AGMAT: variants seen among roughly 807,000 people sequenced by gnomAD.
The protein encoded by AGMAT is guanidino acid hydrolase, mitochondrial.
A neutral mutation model predicts 29.3 loss-of-function variants in AGMAT; 37 were observed. That is an observed-to-expected ratio of 1.26 (90% CI 0.97 to 1.66). The LOEUF (loss-of-function observed/expected upper bound fraction) is 1.66. AGMAT is among the 40% of genes most tolerant of loss of function. AGMAT has a pLI of 0.00. For missense variants in AGMAT, 498 were observed against 497.8 expected (o/e 1.00, Z 0.00); for synonymous variants, 199 against 200.8 (o/e 0.99, Z 0.08).
Position 15,577,877 on chromosome 1 carries a change from G to A in AGMAT, c.721-13C>T, listed in dbSNP as rs773649439. ...CTACCCGGAAGCCCTGCAGAGACAG[G>A]GACTGAGGTTTCTGTCTGGCAGCAT... On this transcript the variant is annotated splice_polypyrimidine_tract_variant and intron_variant, in intron 4 of 6. Transcript: ENST00000375826. 22 of 1,609,956 alleles carry A rather than the reference G, an allele frequency of 1.4e-5. No homozygotes were observed. Among genetic ancestry groups the A allele is most frequent in the African/African-American group, 4.0e-5 (3 of 74,824 alleles).
At position 15,574,790 on chromosome 1, in the gene AGMAT, G is replaced by C; in HGVS notation, c.952C>G (p.Leu318Val). Residue 318 changes from leucine to valine, a missense_variant, in exon 6 of 7, where the codon CTT (leucine) becomes GTT (valine). Leu to Val is a conservative substitution (Grantham distance 32, BLOSUM62 1). Coordinates refer to ENST00000375826, the MANE Select transcript of AGMAT (RefSeq NM_024758.5). Reference protein sequence around the residue: ...CQGLNVMGCDLVEVSPPYDLS... With the variant: ...CQGLNVMGCDVVEVSPPYDLS... ...TCATACGGTGGTGAAACTTCGACAA[G>C]ATCACAGCCCATCACGTTCAGGCCT... 6.2e-7 allele frequency: 1 copy of C among 1,613,986 alleles called. No homozygotes were observed. Among genetic ancestry groups the C allele is most frequent in the Non-Finnish European group, 8.5e-7 (1 of 1,179,922 alleles).
In AGMAT at chr1:15,573,486, TTGGG is replaced by T. The variant is rs761118302; in HGVS notation, c.*161_*164del. ...CCAAGTTCCTTAGAAATGTTGCTGTTTGGGTGAGAATTCTACTGATTATCCCGAC... is the reference window on the plus strand; with the variant it reads ...CCAAGTTCCTTAGAAATGTTGCTGTTTGAGAATTCTACTGATTATCCCGAC... On this transcript the variant is annotated 3_prime_UTR_variant, in exon 7 of 7. Transcript: ENST00000375826. 6.2e-4 allele frequency: 357 copies of T among 579,318 alleles called. No individual in the cohort carries two copies. The highest frequency in any genetic ancestry group is 9.6e-4 in the Non-Finnish European group (308 of 320,354). 35.9% of individuals were successfully genotyped at this position (579,318 alleles called of 1,614,324 possible).
rs1261759105 is a variant in AGMAT at position 15,573,553 on chromosome 1, C to T, written c.*98G>A. ...AATGACACTTTCAGCAGAAAGTTTTCTTGGCATAAACTCTTTAGTTCTCAG... is the reference window on the plus strand; with the variant it reads ...AATGACACTTTCAGCAGAAAGTTTTTTTGGCATAAACTCTTTAGTTCTCAG... On this transcript the variant is annotated 3_prime_UTR_variant, in exon 7 of 7. Transcript: ENST00000375826. 22 of 1,150,344 alleles carry T rather than the reference C, an allele frequency of 1.9e-5. No homozygotes were observed. The highest frequency in any genetic ancestry group is 2.7e-5 in the Non-Finnish European group (21 of 779,876). 71.3% of individuals were successfully genotyped at this position (1,150,344 alleles called of 1,614,324 possible).
chr1:15,573,864 C>T, intron 6 of AGMAT, 140 bp from the exon 7 acceptor site: 1 of 639,380 alleles, frequency 1.6e-6, no homozygotes, highest in East Asian at 2.8e-5. Context: ...TGCCCGCCAG[C>T]TGTGAACACG....
In AGMAT at chr1:15,573,064, GC is replaced by G. The variant is rs1344630982; in HGVS notation, c.*586del. 2 of 152,512 alleles carry G rather than the reference GC, an allele frequency of 1.3e-5. No individual in the cohort carries two copies. The highest frequency in any genetic ancestry group is 3.9e-4 in the East Asian group (2 of 5,180). The allele number at this position is 152,512 out of a possible 1,614,324, so 9.4% of individuals were successfully genotyped here. On this transcript the variant is annotated 3_prime_UTR_variant, in exon 7 of 7. Coordinates refer to ENST00000375826, the MANE Select transcript of AGMAT (RefSeq NM_024758.5). Reference sequence around the variant, plus strand: ...ACCTTAGGTCAGGAGTTCAAGACCAGCCTGGCCAATGTGGTGAAACCCTGTC... The same window carrying G: ...ACCTTAGGTCAGGAGTTCAAGACCAGCTGGCCAATGTGGTGAAACCCTGTC...
chr1:15,573,040 C>T lies in AGMAT; in HGVS notation c.*611G>A, dbSNP rs1487852044. 1 of 152,072 alleles carries T rather than the reference C, an allele frequency of 6.6e-6. No individual in the cohort carries two copies. Among genetic ancestry groups the T allele is most frequent in the African/African-American group, 2.4e-5 (1 of 41,372 alleles). 9.4% of individuals were successfully genotyped at this position (152,072 alleles called of 1,614,324 possible). A position where few individuals can be genotyped will look rare whatever the true frequency, so the allele number is the denominator to read the frequency against. ...TAAGGAGGCTGAGGCGGGCGGATCA[C>T]CTTAGGTCAGGAGTTCAAGACCAGC... is the stretch of plus-strand genomic sequence containing the variant. On this transcript the variant is annotated 3_prime_UTR_variant, in exon 7 of 7. Coordinates refer to ENST00000375826, the MANE Select transcript of AGMAT (RefSeq NM_024758.5).
chr1:15,583,323 G>C lies in AGMAT; in HGVS notation c.345C>G (p.Pro115=). ...GTVNPSTGAL[P]FQSLMVADLG... is the part of the protein sequence containing the mutation. ...GGTCTGCAACCATGAGGGACTGGAA[G>C]GGGAGGGCCCCCGTGCTAGGATTGA... The change falls in exon 2 of 7, where the codon CCC becomes CCG. Residue 115 remains proline (P), a synonymous_variant. Coordinates refer to ENST00000375826, the MANE Select transcript of AGMAT (RefSeq NM_024758.5). 1 of 1,614,178 alleles carries C rather than the reference G, an allele frequency of 6.2e-7. No individual in the cohort carries two copies. Among genetic ancestry groups the C allele is most frequent in the Non-Finnish European group, 8.5e-7 (1 of 1,180,034 alleles).
chr1:15,583,063 C>T (rs1639138122), intron 2 of AGMAT, 130 bp downstream of exon 2: 2 of 768,738 alleles, frequency 2.6e-6, no homozygotes, highest in East Asian at 5.3e-5. Context: ...AATTACAATG[C>T]TCTCTTTCCT....
Position 15,573,464 on chromosome 1 carries a change from A to G in AGMAT, c.*187T>C. 1.8e-6 allele frequency: 1 copy of G among 540,744 alleles called. No individual in the cohort carries two copies. The highest frequency in any genetic ancestry group is 3.4e-6 in the Non-Finnish European group (1 of 296,286). The allele number at this position is 540,744 out of a possible 1,614,324, so 33.5% of individuals were successfully genotyped here. On this transcript the variant is annotated 3_prime_UTR_variant, in exon 7 of 7. Coordinates refer to ENST00000375826, the MANE Select transcript of AGMAT (RefSeq NM_024758.5). ...CTTTTTTTTTCCCCCAATTAATCCA[A>G]GTTCCTTAGAAATGTTGCTGTTTGG...
chr1:15,578,908 A>C lies in AGMAT; in HGVS notation c.671T>G (p.Ile224Ser). The C allele has an allele frequency of 6.2e-7, 1 of 1,614,130 alleles. No homozygotes were observed. ...ATCCAAGGTCGTGGAAGAGCCCCGG[A>C]TGCCAATCTGCACCACACGCTTACA... is the stretch of plus-strand genomic sequence containing the variant. ...LDCKRVVQIG[I>S]RGSSTTLDPY... is the part of the protein sequence containing the mutation. Residue 224 changes from isoleucine (I) to serine (S), a missense_variant, in exon 4 of 7, where the codon ATC (isoleucine) becomes AGC (serine). By Grantham distance (142) the Ile-to-Ser change is moderately radical. Coordinates refer to ENST00000375826, the MANE Select transcript of AGMAT (RefSeq NM_024758.5).
At chr1:15,580,201 C>CAT in intron 2 of AGMAT, 59 bp from the exon 3 acceptor site, 2 of 567,924 alleles carry the variant, frequency 3.5e-6, no homozygotes, top group Non-Finnish European at 5.5e-6. Flanking sequence ...ATAGAATAAT[C>CAT]TTTTTTTTTT....
In AGMAT at chr1:15,584,822, A is replaced by T; in HGVS notation, c.146T>A (p.Phe49Tyr). 7.1e-7 allele frequency: 1 copy of T among 1,417,562 alleles called. No individual in the cohort carries two copies. The highest frequency in any genetic ancestry group is 1.6e-5 in the South Asian group (1 of 61,498). The allele number at this position is 1,417,562 out of a possible 1,614,324, so 87.8% of individuals were successfully genotyped here. A position where few individuals can be genotyped will look rare whatever the true frequency, so the allele number is the denominator to read the frequency against. ...APRNQPPSPE[F>Y]VARPVGVCSM... ...GCAGACGCCCACCGGCCGGGCCACG[A>T]ACTCGGGGCTGGGGGGCTGGTTCCG... The change falls in exon 1 of 7, where the codon TTC becomes TAC. Residue 49 changes from phenylalanine (F) to tyrosine (Y), a missense_variant. By Grantham distance (22) the Phe-to-Tyr change is conservative. Coordinates refer to ENST00000375826, the MANE Select transcript of AGMAT (RefSeq NM_024758.5).
chr1:15,578,115 T>C (rs1324321753), intron 4 of AGMAT, among the ~76,000 whole-genome samples: 1 of 152,212 alleles, frequency 6.6e-6, no homozygotes. Flanking sequence ...CAGCTCACGC[T>C]AGCACCTTTT....
At position 15,574,847 on chromosome 1, in the gene AGMAT, C is replaced by G. The variant is rs1465570084; in HGVS notation, c.901-6G>C. The G allele has an allele frequency of 1.2e-6, 2 of 1,611,942 alleles. No homozygotes were observed. The highest frequency in any genetic ancestry group is 2.7e-5 in the African/African-American group (2 of 74,858). ...CCCCTGATGATCTCCAGAGCCTATT[C>G]AAGATCAAGACTGAGTTGTCCACAG... On this transcript the variant is annotated splice_polypyrimidine_tract_variant and splice_region_variant and intron_variant, in intron 5 of 6. Coordinates refer to ENST00000375826, the MANE Select transcript of AGMAT (RefSeq NM_024758.5).
chr1:15,580,244 T>A, intron 2 of AGMAT, 102 bp from the exon 3 acceptor site: 2 of 1,016,306 alleles, frequency 2.0e-6, no homozygotes, highest in Non-Finnish European at 2.9e-6. Flanking sequence ...TTTGCTCTGT[T>A]GTCCAGGCTG....
rs1638963838 is a variant in AGMAT at position 15,572,253 on chromosome 1, GT to G, written c.*1397del. On this transcript the variant is annotated 3_prime_UTR_variant, in exon 7 of 7. Coordinates refer to ENST00000375826, the MANE Select transcript of AGMAT (RefSeq NM_024758.5). The stretch of plus-strand genomic sequence containing the variant: ...TGTTTTGTTTTTTAGTAGAGACGGG[GT>G]TTCACCATGTTGGCCAGGCTGGTCT... 6.7e-6 allele frequency: 1 copy of G among 150,242 alleles called. No homozygotes were observed. Among genetic ancestry groups the G allele is most frequent in the South Asian group, 2.1e-4 (1 of 4,738 alleles). The allele number at this position is 150,242 out of a possible 1,614,324, so 9.3% of individuals were successfully genotyped here. A position where few individuals can be genotyped will look rare whatever the true frequency, so the allele number is the denominator to read the frequency against.
intron 1 of AGMAT, among the ~76,000 whole-genome samples, chr1:15,584,203 C>T (rs190936655): frequency 6.6e-5 from 10 of 152,316 alleles, no homozygotes; most frequent in African/African-American, 1.7e-4. Flanking sequence ...AGCGCAGTGG[C>T]GCAATCTCAG....
intron 5 of AGMAT, 25 bp downstream of exon 5, chr1:15,577,660 A>G (rs750722289): frequency 1.9e-6 from 3 of 1,593,370 alleles, no homozygotes; most frequent in Non-Finnish European, 1.7e-6. Flanking sequence ...CACCCCCAGG[A>G]TCTTCACTGG....
Position 15,571,727 on chromosome 1 carries a change from C to G in AGMAT, c.*1924G>C, listed in dbSNP as rs888623416. The G allele has an allele frequency of 6.6e-6, 1 of 152,252 alleles. No individual in the cohort carries two copies. Among genetic ancestry groups the G allele is most frequent in the East Asian group, 1.9e-4 (1 of 5,204 alleles). The allele number at this position is 152,252 out of a possible 1,614,324, so 9.4% of individuals were successfully genotyped here. A position where few individuals can be genotyped will look rare whatever the true frequency, so the allele number is the denominator to read the frequency against. ...AAAAAGAAATAAACTATTTTAATGT[C>G]TGATAATTATGGGGTAGCCCTTGCA... On this transcript the variant is annotated 3_prime_UTR_variant, in exon 7 of 7. Transcript: ENST00000375826.
Sources: gnomAD v4.1 joint callset for allele counts (sites outside exome capture counted in the v4.1 genomes callset) on GRCh38, gnomAD v4.1.1 for gene constraint, MANE v1.5 for transcripts, NCBI Gene and HGNC (gene_info 2026-07-23, HGNC 2026-07-21) for gene names.